The following FAR2 variants were observed in gnomAD, a reference collection of about 807,000 sequenced individuals.
FAR2 encodes the protein epididymis secretory protein Li 81.
Under a neutral mutation model 56.0 loss-of-function variants are expected in FAR2, and 19 were observed. That is an observed-to-expected ratio of 0.34 (90% confidence interval 0.24 to 0.50). The LOEUF is 0.50. FAR2 is among the 20% of genes least tolerant of loss of function. FAR2 has a pLI of 0.98. For synonymous variants in FAR2, 219 were observed against 218.8 expected (o/e 1.00, Z -0.01); for missense variants, 508 against 642.2 (o/e 0.79, Z 2.26).
At chr12:29,210,376 CTAT>C (rs1360116557) in intron 1 of FAR2, among the ~76,000 whole-genome samples, 1 of 152,158 alleles carries the variant, frequency 6.6e-6, no homozygotes, top group East Asian at 1.9e-4. Flanking sequence ...TTGCAAGTGT[CTAT>C]TTCAAGACTG....
chr12:29,198,192 T>C (rs567284682), intron 1 of FAR2, among the ~76,000 whole-genome samples: 1 of 152,266 alleles, frequency 6.6e-6, no homozygotes, highest in East Asian at 1.9e-4. Context: ...ATATTTATAT[T>C]CTCTCCATTA....
chr12:29,229,438 A>C (rs1947819537), intron 1 of FAR2, among the ~76,000 whole-genome samples: 1 of 152,224 alleles, frequency 6.6e-6, no homozygotes, highest in African/African-American at 2.4e-5. Context: ...GAGGAACAAA[A>C]ATAAATTGGT....
At chr12:29,291,423 G>C (rs1357716268) in intron 2 of FAR2, 1 of 455,926 alleles carries the variant, frequency 2.2e-6, no homozygotes, top group African/African-American at 2.0e-5. Context: ...CAGTTTGAAA[G>C]CTACTGATGC....
intron 10 of FAR2, among the ~76,000 whole-genome samples, chr12:29,326,904 G>A (rs1031701247): frequency 2.0e-5 from 3 of 151,876 alleles, no homozygotes; most frequent in Non-Finnish European, 2.9e-5. Flanking sequence ...TCTGGCCAGG[G>A]CAATCAGGCA....
At position 29,163,171 on chromosome 12, in the gene FAR2, T is replaced by C. The variant is rs531379937; in HGVS notation, c.-39+13764T>C. Among the ~76,000 whole-genome samples, 115 of 152,338 alleles carry C rather than the reference T, an allele frequency of 7.5e-4. 1 individual carries two copies. Among genetic ancestry groups the C allele is most frequent in the Non-Finnish European group, 1.5e-3 (103 of 68,022 alleles). ...CAGGATGAAGGATGAATGGAGGACA[T>C]AGCCTCTAGAGCTAGTCTACAAGAT... On this transcript the variant is annotated intron_variant, in intron 1 of 11. Coordinates refer to ENST00000536681, the MANE Select transcript of FAR2 (RefSeq NM_001271783.2).
chr12:29,166,365 T>G (rs1949828115), intron 1 of FAR2, among the ~76,000 whole-genome samples: 1 of 152,220 alleles, frequency 6.6e-6, no homozygotes, highest in Non-Finnish European at 1.5e-5. Context: ...ATGTCCATTA[T>G]TTTATGTGAG....
intron 2 of FAR2, among the ~76,000 whole-genome samples, chr12:29,271,108 T>C (rs1314531606): frequency 6.6e-6 from 1 of 152,232 alleles, no homozygotes; most frequent in Non-Finnish European, 1.5e-5. Flanking sequence ...GGTTTAGCTG[T>C]TATATATTTT....
chr12:29,315,872 C>T (rs540138482), intron 8 of FAR2, among the ~76,000 whole-genome samples: 1 of 152,200 alleles, frequency 6.6e-6, no homozygotes, highest in South Asian at 2.1e-4. Flanking sequence ...ATGTCTATTA[C>T]ACATCCAGAT....
In FAR2 at chr12:29,221,918, G is replaced by T. The variant is rs189887707; in HGVS notation, c.-38-48494G>T. 2.0e-4 allele frequency among the ~76,000 whole-genome samples: 30 copies of T among 152,172 alleles called. No individual in the cohort carries two copies. The East Asian group carries it at 5.4e-3, about 27-fold the overall frequency. On this transcript the variant is annotated intron_variant, in intron 1 of 11. Transcript: ENST00000536681. ...ACTGGAATACAGTGGCATGATCTTGGCCCACTACAACCTCCGCCTCCCAGG... is the reference window on the plus strand; with the variant it reads ...ACTGGAATACAGTGGCATGATCTTGTCCCACTACAACCTCCGCCTCCCAGG...
At chr12:29,278,885 A>G (rs1271891552) in intron 2 of FAR2, among the ~76,000 whole-genome samples, 1 of 152,228 alleles carries the variant, frequency 6.6e-6, no homozygotes, top group African/African-American at 2.4e-5. Context: ...AATTCAGCAA[A>G]TGGCTGCTGG....
chr12:29,181,748 A>AT (rs879628791), intron 1 of FAR2, among the ~76,000 whole-genome samples: 124 of 152,284 alleles, frequency 8.1e-4, no homozygotes, highest in Admixed American at 4.8e-3. Flanking sequence ...CACCCTAATT[A>AT]TTTTTTCTGT....
intron 2 of FAR2, among the ~76,000 whole-genome samples, chr12:29,282,810 G>C (rs1306580333): frequency 1.3e-5 from 2 of 152,128 alleles, no homozygotes; most frequent in African/African-American, 4.8e-5. Flanking sequence ...TTAAATGGGA[G>C]ATGCTCTAGA....
intron 1 of FAR2, among the ~76,000 whole-genome samples, chr12:29,237,602 G>T (rs182634646): frequency 6.6e-6 from 1 of 152,328 alleles, no homozygotes; most frequent in Admixed American, 6.5e-5. Flanking sequence ...TGATTGAGCT[G>T]TCAGCTGAAC....
intron 1 of FAR2, among the ~76,000 whole-genome samples, chr12:29,201,138 G>T (rs139946557): frequency 5.3e-5 from 8 of 152,168 alleles, no homozygotes; most frequent in South Asian, 2.1e-4. Flanking sequence ...CCTTTTGCTT[G>T]AAGGTTTCCT....
chr12:29,153,683 A>G (rs1949699145), intron 1 of FAR2, among the ~76,000 whole-genome samples: 1 of 152,204 alleles, frequency 6.6e-6, no homozygotes, highest in South Asian at 2.1e-4. Flanking sequence ...GGAGGTAGGA[A>G]GACCAGGGAG....
intron 1 of FAR2, among the ~76,000 whole-genome samples, chr12:29,176,947 A>G (rs1311071831): frequency 1.3e-5 from 2 of 152,224 alleles, no homozygotes; most frequent in African/African-American, 4.8e-5. Context: ...GTATTCTTTA[A>G]CAAACTACCA....
chr12:29,217,557 G>A lies in FAR2; in HGVS notation c.-38-52855G>A, dbSNP rs943618386. Among the ~76,000 whole-genome samples, 11 of 152,228 alleles carry A rather than the reference G, an allele frequency of 7.2e-5. No individual in the cohort carries two copies. The East Asian group carries it at 1.9e-3, about 27-fold the overall frequency. On this transcript the variant is annotated intron_variant, in intron 1 of 11. Coordinates refer to ENST00000536681, the MANE Select transcript of FAR2 (RefSeq NM_001271783.2). ...AAGAAAAAGCCTATAATACACACAG[G>A]ACACATCTCATCCTAAAGATATTCA...
intron 1 of FAR2, among the ~76,000 whole-genome samples, chr12:29,228,662 A>G (rs1470629087): frequency 6.6e-6 from 1 of 152,124 alleles, no homozygotes; most frequent in African/African-American, 2.4e-5. Context: ...GTCTCGACTC[A>G]CTGCAGTCTC....
intron 1 of FAR2, among the ~76,000 whole-genome samples, chr12:29,195,034 C>T (rs1200691073): frequency 6.6e-6 from 1 of 152,182 alleles, no homozygotes; most frequent in East Asian, 1.9e-4. Flanking sequence ...TGGATTCCAG[C>T]ATATGAGGCT....
Sources: allele counts gnomAD v4.1 joint callset (sites outside exome capture counted in the v4.1 genomes callset), GRCh38; gene constraint gnomAD v4.1.1; transcripts MANE v1.5; gene names NCBI Gene and HGNC (gene_info 2026-07-23, HGNC 2026-07-21).